The following UBR1 variants were observed in gnomAD, a reference collection of about 807,000 sequenced individuals.
UBR1 encodes ubiquitin protein ligase E3 component n-recognin 1, also known as E3 ubiquitin-protein ligase UBR1.
UBR1 carries 102 observed loss-of-function variants against 242.1 expected under a neutral mutation model. The ratio of observed to expected loss-of-function variants is 0.42; its 90% confidence interval spans 0.36 to 0.50. UBR1 has a LOEUF of 0.50. Ranked by LOEUF, UBR1 falls within the 20% of genes least tolerant of loss-of-function variation. The pLI, the probability that UBR1 is intolerant of heterozygous loss-of-function variation, is 0.01. For missense variants in UBR1, 1,772 were observed against 2,101.8 expected, an observed-to-expected ratio of 0.84 and a Z score of 3.07; for synonymous variants, 675 against 684.8, an observed-to-expected ratio of 0.99 and a Z score of 0.22.
intron 27 of UBR1, among the ~76,000 whole-genome samples, chr15:43,020,099 G>C (rs2033088774): frequency 6.6e-6 from 1 of 151,976 alleles, no homozygotes; most frequent in Non-Finnish European, 1.5e-5. Context: ...GAGTGCAGTG[G>C]TGCGATCTTG....
intron 1 of UBR1, among the ~76,000 whole-genome samples, chr15:43,089,275 G>A (rs1042819170): frequency 4.6e-5 from 7 of 152,058 alleles, no homozygotes; most frequent in Admixed American, 2.0e-4. Context: ...GGCGGATTAC[G>A]AGGTCAGGAG....
chr15:43,093,662 G>C (rs2034128323), intron 1 of UBR1, among the ~76,000 whole-genome samples: 1 of 151,880 alleles, frequency 6.6e-6, no homozygotes, highest in Non-Finnish European at 1.5e-5. Context: ...TGAGCCTGTA[G>C]TCCCAGGTAC....
Position 43,037,880 on chromosome 15 carries a change from C to A in UBR1, c.1915G>T (p.Asp639Tyr). Residue 639 changes from aspartate (D) to tyrosine (Y), a missense_variant, in exon 17 of 47, where the codon GAC becomes TAC. By Grantham distance (160) the Asp-to-Tyr change is radical. Around this residue, in one of 3 missense-constraint regions of UBR1, gnomAD observed 734 missense variants for 893.3 expected, o/e 0.82. Transcript: ENST00000290650. ...TCCACTAGTACCTCTACTTGAAAGT[C>A]CTCCTGAAATAGAGTGAGTTCAATT... is the stretch of plus-strand genomic sequence containing the variant. ...SRLHEFVSFE[D>Y]FQVEVLVEYP... The A allele has an allele frequency of 1.2e-6, 2 of 1,612,990 alleles. No individual in the cohort carries two copies. Among genetic ancestry groups the A allele is most frequent in the East Asian group, 4.5e-5 (2 of 44,844 alleles).
At chr15:42,985,573 G>A (rs538475855) in intron 35 of UBR1, among the ~76,000 whole-genome samples, 3 of 152,156 alleles carry the variant, frequency 2.0e-5, no homozygotes, top group Non-Finnish European at 4.4e-5. Flanking sequence ...GGCTGGTCTC[G>A]CACTTCTGAC....
intron 39 of UBR1, among the ~76,000 whole-genome samples, chr15:42,972,655 G>C (rs2032226137): frequency 6.6e-6 from 1 of 152,176 alleles, no homozygotes; most frequent in African/African-American, 2.4e-5. Flanking sequence ...ACAGGTGTGA[G>C]TCACCGTGCC....
chr15:43,008,698 C>G (rs543853478), intron 29 of UBR1, among the ~76,000 whole-genome samples: 1 of 152,194 alleles, frequency 6.6e-6, no homozygotes, highest in African/African-American at 2.4e-5. Context: ...GTGCTTTCTC[C>G]GGGTCTGTCC....
At chr15:43,083,219 G>GCA (rs1368653860) in intron 2 of UBR1, among the ~76,000 whole-genome samples, 15 of 152,032 alleles carry the variant, frequency 9.9e-5, no homozygotes, top group African/African-American at 3.6e-4. Flanking sequence ...ATGATGCCTG[G>GCA]CATATAGTGG....
At chr15:43,096,294 C>T (rs2034160096) in intron 1 of UBR1, among the ~76,000 whole-genome samples, 1 of 151,946 alleles carries the variant, frequency 6.6e-6, no homozygotes, top group Non-Finnish European at 1.5e-5. Context: ...CTGCCTCAGT[C>T]TCCCGAGTAG....
intron 3 of UBR1, 58 bp from the exon 4 acceptor site, chr15:43,075,147 T>C (rs1204008126): frequency 1.6e-6 from 2 of 1,242,496 alleles, no homozygotes; most frequent in Non-Finnish European, 2.4e-6. Flanking sequence ...GCATGAAGAA[T>C]GATAAAGATG....
At position 43,070,896 on chromosome 15, in the gene UBR1, T is replaced by C. The variant is rs2033816900; in HGVS notation, c.558A>G (p.Val186=). Residue 186 remains valine (V), a synonymous_variant, in exon 5 of 47, where the codon GTA becomes GTG. Transcript: ENST00000290650. ...GAAATATTTTCCTGGCTTGGACAATTACCTCTTCATTCAACGGACAGCGTG... is the reference window on the plus strand; with the variant it reads ...GAAATATTTTCCTGGCTTGGACAATCACCTCTTCATTCAACGGACAGCGTG... ...ENSRCPLNEE[V]IVQARKIFPS... The C allele has an allele frequency of 6.2e-7, 1 of 1,613,594 alleles. No individual in the cohort carries two copies. Among genetic ancestry groups the C allele is most frequent in the African/African-American group, 1.3e-5 (1 of 74,918 alleles).
At chr15:42,996,755 C>T (rs932775474) in intron 33 of UBR1, among the ~76,000 whole-genome samples, 2 of 152,052 alleles carry the variant, frequency 1.3e-5, no homozygotes, top group Non-Finnish European at 2.9e-5. Context: ...AATTAAATCA[C>T]AACAGAGGGT....
chr15:42,970,025 C>T (rs1000086111), intron 40 of UBR1, among the ~76,000 whole-genome samples: 1 of 152,076 alleles, frequency 6.6e-6, no homozygotes. Flanking sequence ...AAAAAGAGCC[C>T]GTATAGCCAA....
chr15:43,036,417 TTAACAG>T, intron 18 of UBR1, 105 bp downstream of exon 18: 2 of 1,190,384 alleles, frequency 1.7e-6, no homozygotes, highest in South Asian at 2.5e-5. Context: ...CATAATCAGT[TTAACAG>T]TGAGAGTATT....
chr15:43,078,367 AC>A (rs1481582733), intron 3 of UBR1, among the ~76,000 whole-genome samples: 1 of 152,120 alleles, frequency 6.6e-6, no homozygotes, highest in Non-Finnish European at 1.5e-5. Context: ...GACGTGCCAA[AC>A]CCTCCCTTCA....
At chr15:42,972,201 C>A (rs12440652) in intron 39 of UBR1, among the ~76,000 whole-genome samples, 81,463 of 151,572 alleles carry the variant, frequency 0.54, 26,528 homozygotes, top group Non-Finnish European at 0.7. Context: ...ACCCTTACCC[C>A]TGGCAATCAC....
At chr15:43,010,235 G>C (rs150765149) in intron 29 of UBR1, among the ~76,000 whole-genome samples, 1 of 151,598 alleles carries the variant, frequency 6.6e-6, no homozygotes, top group Admixed American at 6.6e-5. Flanking sequence ...GAGGCATCTA[G>C]CAATAAATTA....
At chr15:42,981,493 T>A (rs1596084313) in intron 37 of UBR1, among the ~76,000 whole-genome samples, 1 of 152,126 alleles carries the variant, frequency 6.6e-6, no homozygotes, top group Admixed American at 6.5e-5. Flanking sequence ...TGCCTCAATT[T>A]TTTTTTTCTT....
At chr15:43,031,173 AT>A (rs1389011434) in intron 20 of UBR1, among the ~76,000 whole-genome samples, 1 of 152,154 alleles carries the variant, frequency 6.6e-6, no homozygotes, top group African/African-American at 2.4e-5. Flanking sequence ...CAGAAATATA[AT>A]TTTTTAAACA....
chr15:42,949,459 T>A (rs1208412896), intron 46 of UBR1, among the ~76,000 whole-genome samples: 2 of 151,224 alleles, frequency 1.3e-5, no homozygotes, highest in Non-Finnish European at 3.0e-5. Context: ...AAAAAAATTA[T>A]GTGCTAAAGA....
Sources: allele counts gnomAD v4.1 joint callset (sites outside exome capture counted in the v4.1 genomes callset), GRCh38; gene constraint gnomAD v4.1.1; regional missense constraint gnomAD v4.1.1; transcripts MANE v1.5; gene names NCBI Gene and HGNC (gene_info 2026-07-23, HGNC 2026-07-21).